Variants in MAPK10 observed in about 807,000 individuals in gnomAD.
MAPK10 encodes the protein mitogen-activated protein kinase 10.
MAPK10 carries 25 observed loss-of-function variants against 59.3 expected under a neutral mutation model. That is an observed-to-expected ratio of 0.42 (90% CI 0.31 to 0.59). The LOEUF is 0.59. Ranked by LOEUF, MAPK10 falls within the 20% of genes least tolerant of loss-of-function variation. The pLI, the probability that MAPK10 is intolerant of heterozygous loss-of-function variation, is 0.15. For missense variants in MAPK10, 351 were observed against 568.9 expected (o/e 0.62, Z 3.90); for synonymous variants, 190 against 200.5 (o/e 0.95, Z 0.44).
At chr4:86,066,048 C>T (rs1329817004) in intron 10 of MAPK10, among the ~76,000 whole-genome samples, 1 of 152,092 alleles carries the variant, frequency 6.6e-6, no homozygotes, top group Non-Finnish European at 1.5e-5. Context: ...GTAATATTAA[C>T]CATACTATAG....
chr4:86,350,048 T>A (rs1376730402), intron 2 of MAPK10, among the ~76,000 whole-genome samples: 1 of 151,994 alleles, frequency 6.6e-6, no homozygotes, highest in Non-Finnish European at 1.5e-5. Context: ...GTATGACATA[T>A]CATTTTTTGT....
At chr4:86,523,801 A>G (rs1757285664) in intron 1 of MAPK10, among the ~76,000 whole-genome samples, 2 of 152,144 alleles carry the variant, frequency 1.3e-5, no homozygotes, top group South Asian at 2.1e-4. Context: ...TAAATATCCG[A>G]TGGTTATTTC....
At chr4:86,371,734 G>A (rs1738790566) in intron 1 of MAPK10, among the ~76,000 whole-genome samples, 1 of 152,178 alleles carries the variant, frequency 6.6e-6, no homozygotes, top group Non-Finnish European at 1.5e-5. Flanking sequence ...ACGGAGGGCA[G>A]ACCAAAGCAG....
chr4:86,153,188 A>T (rs1233112686), intron 4 of MAPK10, among the ~76,000 whole-genome samples: 1 of 152,236 alleles, frequency 6.6e-6, no homozygotes, highest in African/African-American at 2.4e-5. Flanking sequence ...TTTAGGAGGG[A>T]AGTTGAAACT....
At chr4:86,134,392 A>T (rs2061524950) in intron 4 of MAPK10, among the ~76,000 whole-genome samples, 1 of 152,176 alleles carries the variant, frequency 6.6e-6, no homozygotes, top group South Asian at 2.1e-4. Context: ...TTCTCTGAAA[A>T]ATTGAAAATA....
At chr4:86,080,300 A>G (rs1009203414) in intron 9 of MAPK10, 3 of 151,862 alleles carry the variant, frequency 2.0e-5, no homozygotes, top group African/African-American at 7.2e-5. Flanking sequence ...GAAACAGCAG[A>G]TAATCAAAGA....
intron 2 of MAPK10, among the ~76,000 whole-genome samples, chr4:86,237,707 T>C (rs917797005): frequency 2.6e-5 from 4 of 151,890 alleles, no homozygotes; most frequent in African/African-American, 9.7e-5. Context: ...GGTTTTTTTA[T>C]TGTAAATGTT....
At chr4:86,068,649 A>G (rs188401626) in intron 9 of MAPK10, among the ~76,000 whole-genome samples, 1 of 152,182 alleles carries the variant, frequency 6.6e-6, no homozygotes, top group African/African-American at 2.4e-5. Flanking sequence ...TATTCAATTT[A>G]AAACAACAGA....
At chr4:86,273,728 A>G (rs1469345665) in intron 2 of MAPK10, among the ~76,000 whole-genome samples, 1 of 152,028 alleles carries the variant, frequency 6.6e-6, no homozygotes, top group Non-Finnish European at 1.5e-5. Flanking sequence ...CCTTTCTATT[A>G]AAATAACTTA....
intron 1 of MAPK10, among the ~76,000 whole-genome samples, chr4:86,550,715 TAAGTA>T (rs781605350): frequency 5.9e-5 from 9 of 151,996 alleles, no homozygotes; most frequent in Admixed American, 4.6e-4. Flanking sequence ...AACAAATAAA[TAAGTA>T]AATACAAAAT....
At chr4:86,203,465 C>G (rs1164665262) in intron 2 of MAPK10, among the ~76,000 whole-genome samples, 1 of 151,508 alleles carries the variant, frequency 6.6e-6, no homozygotes, top group African/African-American at 2.4e-5. Context: ...TTGTTCTGGG[C>G]AGCTCCAGGA....
chr4:86,385,792 A>G lies in MAPK10; in HGVS notation c.-121-31148T>C, dbSNP rs17011853. ...TTAAAATTACCTGGGTATAATCTCTATGATGTCAGGCTGAAAATTGACTAT... is the reference window on the plus strand; with the variant it reads ...TTAAAATTACCTGGGTATAATCTCTGTGATGTCAGGCTGAAAATTGACTAT... On this transcript the variant is annotated intron_variant, in intron 1 of 13. Coordinates refer to the MAPK10 transcript ENST00000361569. 9.8e-3 allele frequency among the ~76,000 whole-genome samples: 1,491 copies of G among 152,302 alleles called. 19 individuals are homozygous for G. The highest frequency in any genetic ancestry group is 0.034 in the African/African-American group (1,415 of 41,566).
intron 1 of MAPK10, among the ~76,000 whole-genome samples, chr4:86,550,374 TAAAAAAAAAAAAAAAAAAAAAAAAA>T (rs753508493): frequency 1.3e-5 from 1 of 77,380 alleles, no homozygotes; most frequent in Non-Finnish European, 2.3e-5. Context: ...GAGCTTCAGT[TAAAAAAAAAAAAAAAAAAAAAAAAA>T]AAAAAAAAAA....
At position 86,218,124 on chromosome 4, in the gene MAPK10, A is replaced by T. The variant is rs548360335; in HGVS notation, c.-6-23717T>A. On this transcript the variant is annotated intron_variant, in intron 2 of 13. Coordinates refer to ENST00000641462, the MANE Select transcript of MAPK10 (RefSeq NM_138982.4). Reference sequence around the variant, plus strand: ...AGGACTTTGTGAACAAAAATAAACAACTCAAAAATAAAAGGCCAAAATTAG... The same window carrying T: ...AGGACTTTGTGAACAAAAATAAACATCTCAAAAATAAAAGGCCAAAATTAG... Among the ~76,000 whole-genome samples, 6 of 152,308 alleles carry T rather than the reference A, an allele frequency of 3.9e-5. No individual in the cohort carries two copies. In the South Asian group the frequency reaches 1.2e-3, roughly 32 times the overall value.
At chr4:86,212,588 A>G (rs942878684) in intron 2 of MAPK10, among the ~76,000 whole-genome samples, 1 of 152,232 alleles carries the variant, frequency 6.6e-6, no homozygotes, top group Non-Finnish European at 1.5e-5. Context: ...GGTTATACTA[A>G]CATCAGACAT....
rs1410157313 is a variant in MAPK10, at chr4:86,072,788, G to T, written c.803-4833C>A. 1.0e-4 allele frequency among the ~76,000 whole-genome samples: 9 copies of T among 86,448 alleles called. 3 individuals carry two copies. The highest frequency in any genetic ancestry group is 7.3e-4 in the African/African-American group (9 of 12,316). 56.7% of individuals were successfully genotyped at this position (86,448 alleles called of 152,430 possible). A position where few individuals can be genotyped will look rare whatever the true frequency, so the allele number is the denominator to read the frequency against. On this transcript the variant is annotated intron_variant, in intron 9 of 13. Coordinates refer to ENST00000641462, the MANE Select transcript of MAPK10 (RefSeq NM_138982.4). ...AGCTTTTTGATGTGCTGCTGGATTCGGTTTGCCAGTATTTTATTGAGGATT... is the reference window on the plus strand; with the variant it reads ...AGCTTTTTGATGTGCTGCTGGATTCTGTTTGCCAGTATTTTATTGAGGATT...
intron 2 of MAPK10, among the ~76,000 whole-genome samples, chr4:86,293,911 T>C (rs1050515079): frequency 2.0e-5 from 3 of 152,168 alleles, no homozygotes; most frequent in African/African-American, 7.2e-5. Flanking sequence ...CACTGAGGAC[T>C]ACATTTCAAC....
chr4:86,285,241 G>T (rs1400151470), intron 2 of MAPK10, among the ~76,000 whole-genome samples: 2 of 149,834 alleles, frequency 1.3e-5, no homozygotes, highest in Non-Finnish European at 1.5e-5. Flanking sequence ...TTTTTGAGAT[G>T]GAGTCTTGCT....
chr4:86,020,485 C>T lies in MAPK10; in HGVS notation c.1253-3115G>A, dbSNP rs1007483696. The T allele has an allele frequency of 4.5e-4, 71 of 157,726 alleles. 2 individuals are homozygous for T. Among genetic ancestry groups the T allele is most frequent in the Non-Finnish European group, 5.5e-5 (4 of 72,450 alleles). 9.8% of individuals were successfully genotyped at this position (157,726 alleles called of 1,614,324 possible). ...TTGCTGGGGCATAGAGTAATTCTAG[C>T]TTTAACACTTGAGGAACTGACAAAC... On this transcript the variant is annotated intron_variant, in intron 13 of 13. Coordinates refer to ENST00000641462, the MANE Select transcript of MAPK10 (RefSeq NM_138982.4).
Sources: allele counts gnomAD v4.1 joint callset (sites outside exome capture counted in the v4.1 genomes callset), GRCh38; gene constraint gnomAD v4.1.1; transcripts MANE v1.5; gene names NCBI Gene and HGNC (gene_info 2026-07-23, HGNC 2026-07-21).